The following STIM1 variants were observed in gnomAD, a reference collection of about 807,000 sequenced individuals.
The protein encoded by STIM1 is stromal interaction molecule 1.
In STIM1, 25 loss-of-function variants were observed where a neutral mutation model predicts 74.7. The ratio of observed to expected loss-of-function variants is 0.33; its 90% confidence interval spans 0.24 to 0.47. STIM1 has a LOEUF of 0.47. Among genes scored for constraint, STIM1 ranks in the 20% least tolerant of loss-of-function variants. The probability of loss-of-function intolerance (pLI) is 1.00; values close to 1 mark genes in which losing one functional copy is unlikely to be tolerated. For missense variants in STIM1, 728 were observed against 920.8 expected (o/e 0.79, Z 2.71); for synonymous variants, 328 against 348.8 (o/e 0.94, Z 0.66).
intron 1 of STIM1, among the ~76,000 whole-genome samples, chr11:3,948,021 T>G (rs571339089): frequency 1.3e-3 from 202 of 152,248 alleles, no homozygotes; most frequent in Middle Eastern, 3.4e-3. Context: ...GACACTCAAG[T>G]TCCATTCTAG....
intron 1 of STIM1, among the ~76,000 whole-genome samples, chr11:3,956,604 T>C (rs570779467): frequency 2.6e-5 from 4 of 151,912 alleles, no homozygotes; most frequent in African/African-American, 9.6e-5. Flanking sequence ...TAAAATCACT[T>C]TAGGAAAGAG....
chr11:3,939,667 T>C (rs968746716), intron 1 of STIM1, among the ~76,000 whole-genome samples: 1 of 152,204 alleles, frequency 6.6e-6, no homozygotes, highest in South Asian at 2.1e-4. Context: ...ATAATTTACC[T>C]GTCCAGATTA....
intron 1 of STIM1, chr11:3,868,007 C>T (rs528104075): frequency 1.3e-5 from 2 of 152,286 alleles, no homozygotes; most frequent in South Asian, 2.1e-4. Flanking sequence ...AGTGTATGTT[C>T]GAACAAATGT....
intron 1 of STIM1, chr11:3,892,572 T>G (rs2091928848): frequency 5.6e-6 from 9 of 1,601,860 alleles, no homozygotes; most frequent in Non-Finnish European, 6.0e-6. Flanking sequence ...CTGTTTGTGT[T>G]GGGTCCAGCA....
At chr11:4,090,756 G>C (rs2094519353) in intron 12 of STIM1, among the ~76,000 whole-genome samples, 1 of 152,224 alleles carries the variant, frequency 6.6e-6, no homozygotes. Flanking sequence ...GCTATGAGAA[G>C]GCAGAGATTT....
intron 1 of STIM1, among the ~76,000 whole-genome samples, chr11:3,919,650 A>C (rs2092693503): frequency 6.6e-6 from 1 of 152,206 alleles, no homozygotes; most frequent in East Asian, 1.9e-4. Flanking sequence ...CAGGGGCTCT[A>C]TATGGTACGG....
At chr11:3,903,681 C>T (rs989271320) in intron 1 of STIM1, 2 of 152,214 alleles carry the variant, frequency 1.3e-5, no homozygotes, top group Non-Finnish European at 2.9e-5. Context: ...ACTATTGAGA[C>T]TTCCTGTTGT....
At position 3,879,231 on chromosome 11, in the gene STIM1, C is replaced by T. The variant is rs376034768; in HGVS notation, c.139+22822C>T. Among the ~76,000 whole-genome samples, 382 of 152,310 alleles carry T rather than the reference C, an allele frequency of 2.5e-3. 4 individuals are homozygous for T. Among genetic ancestry groups the T allele is most frequent in the African/African-American group, 8.8e-3 (366 of 41,564 alleles). On this transcript the variant is annotated intron_variant, in intron 1 of 12. Coordinates refer to ENST00000526596, the MANE Select transcript of STIM1 (RefSeq NM_001382567.1). The stretch of plus-strand genomic sequence containing the variant: ...TCAGCCTCCCAAAGTGCTGGGATTA[C>T]AGGAATGAGCCACTGCGTCCAGCGT...
chr11:3,887,553 G>A (rs1243629517), intron 1 of STIM1, among the ~76,000 whole-genome samples: 1 of 152,212 alleles, frequency 6.6e-6, no homozygotes, highest in Non-Finnish European at 1.5e-5. Context: ...CATTGAGACA[G>A]GGCCTGGTTA....
chr11:3,921,215 T>C (rs753185171), intron 1 of STIM1, among the ~76,000 whole-genome samples: 1 of 152,230 alleles, frequency 6.6e-6, no homozygotes, highest in Non-Finnish European at 1.5e-5. Context: ...TAATTTTGAT[T>C]TAGCATCCCC....
At chr11:3,971,224 C>T (rs1180991073) in intron 2 of STIM1, among the ~76,000 whole-genome samples, 3 of 134,472 alleles carry the variant, frequency 2.2e-5, no homozygotes, top group Non-Finnish European at 4.7e-5. Flanking sequence ...AAAAAATAAA[C>T]AAGTATGAAA....
intron 5 of STIM1, among the ~76,000 whole-genome samples, chr11:4,061,464 TATA>T (rs1487987546): frequency 6.6e-6 from 1 of 152,168 alleles, no homozygotes; most frequent in Non-Finnish European, 1.5e-5. Flanking sequence ...CTGGGATACT[TATA>T]ATAATAATAG....
intron 1 of STIM1, among the ~76,000 whole-genome samples, chr11:3,938,631 G>A (rs916407801): frequency 4.3e-4 from 66 of 152,142 alleles, no homozygotes; most frequent in Admixed American, 2.9e-3. Context: ...CACATCACCT[G>A]AGGTCAGGAG....
intron 1 of STIM1, among the ~76,000 whole-genome samples, chr11:3,901,071 G>A (rs960910489): frequency 2.0e-5 from 3 of 152,186 alleles, no homozygotes; most frequent in Non-Finnish European, 4.4e-5. Flanking sequence ...TGCGCTTGTA[G>A]TCCCATCTGC....
At chr11:3,973,016 C>G (rs1221605663) in intron 2 of STIM1, 3 of 491,572 alleles carry the variant, frequency 6.1e-6, no homozygotes, top group African/African-American at 3.9e-5. Flanking sequence ...CTGCTTCTGC[C>G]TCCATCGTTG....
chr11:4,090,885 A>G (rs1261786426), intron 12 of STIM1, among the ~76,000 whole-genome samples: 2 of 152,138 alleles, frequency 1.3e-5, no homozygotes, highest in Admixed American at 6.5e-5. Flanking sequence ...TGATGGTATG[A>G]TGACATTTGT....
chr11:4,004,921 A>G (rs2093761887), intron 2 of STIM1, among the ~76,000 whole-genome samples: 1 of 152,262 alleles, frequency 6.6e-6, no homozygotes, highest in African/African-American at 2.4e-5. Flanking sequence ...AAGTGGGCAA[A>G]GGATATGAAC....
chr11:3,892,881 T>G, intron 1 of STIM1: 2 of 1,547,616 alleles, frequency 1.3e-6, no homozygotes, highest in Non-Finnish European at 1.8e-6. Context: ...ACGGTGGGGT[T>G]AACCACGGCT....
chr11:3,963,321 A>T (rs1335164559), intron 1 of STIM1, among the ~76,000 whole-genome samples: 1 of 152,104 alleles, frequency 6.6e-6, no homozygotes, highest in Non-Finnish European at 1.5e-5. Context: ...TCCTACTTAG[A>T]AGTGAGAACA....
Sources: allele counts gnomAD v4.1 joint callset (sites outside exome capture counted in the v4.1 genomes callset), GRCh38; gene constraint gnomAD v4.1.1; transcripts MANE v1.5; gene names NCBI Gene and HGNC (gene_info 2026-07-23, HGNC 2026-07-21).